ACAN: variants seen among roughly 807,000 people sequenced by gnomAD.
ACAN encodes the protein aggrecan, also known as aggrecan core protein.
Under a neutral mutation model 169.1 loss-of-function variants are expected in ACAN, and 47 were observed. That is an observed-to-expected ratio of 0.28 (90% confidence interval 0.22 to 0.35). ACAN has a LOEUF of 0.35. ACAN is among the 10% of genes least tolerant of loss of function. The pLI is 1.00. For missense variants in ACAN, 2,716 were observed against 2,759.9 expected (o/e 0.98, Z 0.36); for synonymous variants, 1,115 against 1,112.2 (o/e 1.00, Z -0.05).
At chr15:88,829,212 G>A (rs1404388086) in intron 1 of ACAN, among the ~76,000 whole-genome samples, 2 of 152,256 alleles carry the variant, frequency 1.3e-5, no homozygotes, top group African/African-American at 4.8e-5. Context: ...AAGGTGGGGA[G>A]AAGAGAAAGA....
Position 88,847,363 on chromosome 15 carries a change from A to C in ACAN, c.1550A>C (p.Tyr517Ser), listed in dbSNP as rs759770403. The change falls in exon 8 of 19, where the codon TAC (tyrosine) becomes TCC (serine). Residue 517 changes from tyrosine (Y) to serine (S), a missense_variant. Physicochemically the swap from Tyr to Ser is moderately radical, Grantham distance 144. Coordinates refer to ENST00000560601, the MANE Select transcript of ACAN (RefSeq NM_001369268.1). The stretch of plus-strand genomic sequence containing the variant: ...TCGCCGGAGCAGCTCCAGGCCGCCT[A>C]CGAAGCAGGCTATGAGCAGTGTGAC... ...IASPEQLQAA[Y>S]EAGYEQCDAG... is the part of the protein sequence containing the mutation. 1 of 1,592,354 alleles carries C rather than the reference A, an allele frequency of 6.3e-7. No individual in the cohort carries two copies.
chr15:88,854,605 C>G (rs1897005647), intron 11 of ACAN, among the ~76,000 whole-genome samples: 1 of 152,174 alleles, frequency 6.6e-6, no homozygotes, highest in African/African-American at 2.4e-5. Flanking sequence ...CAGTTCCCTA[C>G]CTCCCTCCTT....
At chr15:88,841,422 G>A (rs907562920) in intron 4 of ACAN, among the ~76,000 whole-genome samples, 22 of 152,148 alleles carry the variant, frequency 1.4e-4, no homozygotes, top group African/African-American at 3.4e-4. Context: ...GGTGCTTCAC[G>A]CTACAGTGGC....
Position 88,858,308 on chromosome 15 carries a change from C to A in ACAN, c.5723C>A (p.Ser1908Tyr). The change falls in exon 12 of 19, where the codon TCC becomes TAC. Residue 1908 changes from serine (S) to tyrosine (Y), a missense_variant. Around this residue, in one of 3 missense-constraint regions of ACAN, gnomAD observed 1,389 missense variants for 1,363.7 expected, o/e 1.02. Transcript: ENST00000560601. The surrounding 1 kb of genome is among the most constrained non-coding windows in gnomAD (Gnocchi z 4.0). Reference sequence around the variant, plus strand: ...GGCATAGCTGAGGTCAGTGGAGAATCCTCCAGAGCTGAGATTGGGAGCAGC... The same window carrying A: ...GGCATAGCTGAGGTCAGTGGAGAATACTCCAGAGCTGAGATTGGGAGCAGC... ...PSGIAEVSGE[S>Y]SRAEIGSSLP... 6.2e-7 allele frequency: 1 copy of A among 1,613,954 alleles called. No homozygotes were observed. The highest frequency in any genetic ancestry group is 2.2e-5 in the East Asian group (1 of 44,882).
At chr15:88,865,054 G>T (rs573282220) in intron 13 of ACAN, among the ~76,000 whole-genome samples, 1 of 152,184 alleles carries the variant, frequency 6.6e-6, no homozygotes, top group Admixed American at 6.5e-5. Context: ...AGACAACCAC[G>T]TGATGCTTTG....
chr15:88,806,260 C>T (rs933412576), intron 1 of ACAN, among the ~76,000 whole-genome samples: 14 of 152,192 alleles, frequency 9.2e-5, no homozygotes, highest in Non-Finnish European at 1.8e-4. Context: ...CTCCTAAGCC[C>T]CCTTGTGGGT....
intron 9 of ACAN, among the ~76,000 whole-genome samples, chr15:88,848,494 A>T (rs545723544): frequency 6.6e-6 from 1 of 152,302 alleles, no homozygotes; most frequent in South Asian, 2.1e-4. Context: ...AGGTGCCTCA[A>T]TGTGAGTTGA....
chr15:88,841,819 G>A lies in ACAN; in HGVS notation c.709G>A (p.Asp237Asn). The A allele has an allele frequency of 6.2e-7, 1 of 1,613,462 alleles. No individual in the cohort carries two copies. Among genetic ancestry groups the A allele is most frequent in the Non-Finnish European group, 8.5e-7 (1 of 1,179,770 alleles). Residue 237 changes from aspartate to asparagine, a missense_variant, in exon 5 of 19, where the codon GAC (aspartate) becomes AAC (asparagine). By Grantham distance (23) the Asp-to-Asn change is conservative. Transcript: ENST00000560601. ...FPGVRTYGIR[D>N]TNETYDVYCF... is the part of the protein sequence containing the mutation. ...TGGTGTGAGGACGTATGGCATCCGA[G>A]ACACCAACGAGACCTATGATGTGTA...
intron 1 of ACAN, among the ~76,000 whole-genome samples, chr15:88,822,284 G>A (rs537739946): frequency 1.3e-5 from 2 of 152,348 alleles, no homozygotes; most frequent in South Asian, 4.1e-4. Flanking sequence ...CCTCCTGGCA[G>A]CCAGGGTCAA....
In ACAN at chr15:88,854,979, G is replaced by A. The variant is rs1450079940; in HGVS notation, c.2394G>A (p.Glu798=). The A allele has an allele frequency of 7.5e-6, 12 of 1,598,230 alleles. No individual in the cohort carries two copies. The highest frequency in any genetic ancestry group is 1.0e-5 in the Non-Finnish European group (12 of 1,173,090). The change falls in exon 12 of 19, where the codon GAG becomes GAA. Residue 798 remains glutamate, a synonymous_variant. Coordinates refer to ENST00000560601, the MANE Select transcript of ACAN (RefSeq NM_001369268.1). ...SPSEVPFPSE[E]PSPSEEPFPS... is the part of the protein sequence containing the mutation. ...CAGAGGTGCCATTCCCCTCAGAGGA[G>A]CCATCCCCCTCAGAGGAACCATTCC...
At position 88,845,433 on chromosome 15, in the gene ACAN, C is replaced by G. The variant is rs1265210747; in HGVS notation, c.1052-72C>G. ...AAGGAGGGGGAGCCATGCTCATCTC[C>G]AGCCCACTCCTCATCCCCCTCAAGC... is the stretch of plus-strand genomic sequence containing the variant. On this transcript the variant is annotated intron_variant, in intron 6 of 18. Coordinates refer to ENST00000560601, the MANE Select transcript of ACAN (RefSeq NM_001369268.1). 2.6e-6 allele frequency: 4 copies of G among 1,524,634 alleles called. No homozygotes were observed. In the East Asian group the frequency reaches 6.8e-5, roughly 26 times the overall value. The allele number at this position is 1,524,634 out of a possible 1,614,324, so 94.4% of individuals were successfully genotyped here. A position where few individuals can be genotyped will look rare whatever the true frequency, so the allele number is the denominator to read the frequency against.
chr15:88,849,913 C>A lies in ACAN; in HGVS notation c.2026+182C>A. 1.2e-6 allele frequency: 1 copy of A among 836,848 alleles called. No individual in the cohort carries two copies. The highest frequency in any genetic ancestry group is 1.7e-5 in the African/African-American group (1 of 59,610). 51.8% of individuals were successfully genotyped at this position (836,848 alleles called of 1,614,324 possible). A position where few individuals can be genotyped will look rare whatever the true frequency, so the allele number is the denominator to read the frequency against. ...GCTTTGACCCCAAGGCAAGGTCATCCTTCTAAAGTTCCCCAGAGACAAGTA... is the reference window on the plus strand; with the variant it reads ...GCTTTGACCCCAAGGCAAGGTCATCATTCTAAAGTTCCCCAGAGACAAGTA... On this transcript the variant is annotated intron_variant, in intron 10 of 18. Coordinates refer to ENST00000560601, the MANE Select transcript of ACAN (RefSeq NM_001369268.1). The surrounding 1 kb of genome is among the most constrained non-coding windows in gnomAD (Gnocchi z 5.1).
In ACAN at chr15:88,858,715, G is replaced by A; in HGVS notation, c.6130G>A (p.Gly2044Ser). Residue 2044 changes from glycine to serine, a missense_variant, in exon 12 of 19, where the codon GGT becomes AGT. Gly to Ser is a moderately conservative substitution (Grantham distance 56). This residue lies in a region of ACAN where 1,389 missense variants were observed against 1,363.7 expected (regional missense o/e 1.02). Coordinates refer to ENST00000560601, the MANE Select transcript of ACAN (RefSeq NM_001369268.1). The surrounding 1 kb of genome is among the most constrained non-coding windows in gnomAD (Gnocchi z 4.0). ...TTTAATCACTTCTGAGTTCGTGGAG[G>A]GTGTTACTGAACCAACTATTTCTCA... ...VTLITSEFVE[G>S]VTEPTISQEL... 5 of 1,613,888 alleles carry A rather than the reference G, an allele frequency of 3.1e-6. No individual in the cohort carries two copies.
chr15:88,858,720 T>C lies in ACAN; in HGVS notation c.6135T>C (p.Val2045=). 1 of 1,613,934 alleles carries C rather than the reference T, an allele frequency of 6.2e-7. No individual in the cohort carries two copies. The highest frequency in any genetic ancestry group is 8.5e-7 in the Non-Finnish European group (1 of 1,179,890). The change falls in exon 12 of 19, where the codon GTT becomes GTC. Residue 2045 remains valine (V), a synonymous_variant. Transcript: ENST00000560601. This position sits in a 1 kb window ranked among gnomAD's most constrained non-coding sequence, Gnocchi z 4.0. ...TLITSEFVEG[V]TEPTISQELG... The stretch of plus-strand genomic sequence containing the variant: ...TCACTTCTGAGTTCGTGGAGGGTGT[T>C]ACTGAACCAACTATTTCTCAGGAAC...
intron 1 of ACAN, among the ~76,000 whole-genome samples, chr15:88,813,342 T>G (rs1036309961): frequency 2.0e-5 from 3 of 152,212 alleles, no homozygotes; most frequent in African/African-American, 7.2e-5. Context: ...GCCACTGATA[T>G]GTTGCACTCT....
intron 1 of ACAN, among the ~76,000 whole-genome samples, chr15:88,810,253 A>C (rs1175815997): frequency 6.6e-6 from 1 of 151,128 alleles, no homozygotes; most frequent in Non-Finnish European, 1.5e-5. Context: ...TCAGAACCCA[A>C]CTCTAAACAG....
chr15:88,822,368 A>C (rs187179539), intron 1 of ACAN, among the ~76,000 whole-genome samples: 1 of 152,334 alleles, frequency 6.6e-6, no homozygotes, highest in East Asian at 1.9e-4. Context: ...CCCTGAAATC[A>C]TACAGAAAAT....
intron 1 of ACAN, among the ~76,000 whole-genome samples, chr15:88,819,733 T>C (rs567028539): frequency 5.9e-5 from 9 of 151,866 alleles, no homozygotes; most frequent in Non-Finnish European, 1.0e-4. Context: ...ACCACTGCAC[T>C]CCAGCCTGGG....
rs764880375 is a variant in ACAN at position 88,857,473 on chromosome 15, A to G, written c.4888A>G (p.Ser1630Gly). The change falls in exon 12 of 19, where the codon AGT (serine) becomes GGT (glycine). Residue 1630 changes from serine (S) to glycine (G), a missense_variant. Around this residue, in one of 3 missense-constraint regions of ACAN, gnomAD observed 1,389 missense variants for 1,363.7 expected, o/e 1.02. Transcript: ENST00000560601. ...AACAAGTGGTCTTCCCTCTGGATTT[A>G]GTGGTGAGTATTCTGGGGTGGACCT... ...PETSGLPSGF[S>G]GEYSGVDLGS... 27 of 1,613,874 alleles carry G rather than the reference A, an allele frequency of 1.7e-5. No homozygotes were observed. In the South Asian group the frequency reaches 3.0e-4, roughly 18 times the overall value.
Sources: gnomAD v4.1 joint callset for allele counts (sites outside exome capture counted in the v4.1 genomes callset) on GRCh38, gnomAD v4.1.1 for gene constraint, gnomAD v4.1.1 regional missense constraint, Gnocchi (gnomAD v3.1) non-coding constraint, MANE v1.5 for transcripts, NCBI Gene and HGNC (gene_info 2026-07-23, HGNC 2026-07-21) for gene names.